Variants in SLC13A4 observed in about 807,000 individuals in gnomAD.
SLC13A4 encodes Na(+)/sulfate cotransporter SUT-1.
A neutral mutation model predicts 72.7 loss-of-function variants in SLC13A4; 28 were observed. The ratio of observed to expected loss-of-function variants is 0.39; its 90% CI spans 0.29 to 0.53. The LOEUF (loss-of-function observed/expected upper bound fraction) is 0.53, where lower values mean the gene tolerates loss of function less well. Among genes scored for constraint, SLC13A4 ranks in the 20% least tolerant of loss-of-function variants. The probability of loss-of-function intolerance (pLI) is 0.78; values close to 1 mark genes in which losing one functional copy is unlikely to be tolerated. For missense variants in SLC13A4, 653 were observed against 788.0 expected (o/e 0.83, Z 2.05); for synonymous variants, 312 against 325.5 (o/e 0.96, Z 0.45).
intron 2 of SLC13A4, among the ~76,000 whole-genome samples, chr7:135,715,176 T>G (rs987377221): frequency 6.6e-6 from 1 of 151,450 alleles, no homozygotes; most frequent in African/African-American, 2.4e-5. Flanking sequence ...TATATGTGTA[T>G]ATGGGTATAT....
chr7:135,687,006 G>A (rs961028084), intron 13 of SLC13A4, among the ~76,000 whole-genome samples: 5 of 152,154 alleles, frequency 3.3e-5, no homozygotes, highest in Non-Finnish European at 5.9e-5. Context: ...GCAGTGAACC[G>A]AGATTGTGCC....
chr7:135,720,049 G>C (rs1395127951), intron 2 of SLC13A4, among the ~76,000 whole-genome samples: 2 of 152,056 alleles, frequency 1.3e-5, no homozygotes, highest in Non-Finnish European at 2.9e-5. Context: ...CCAGTAGAAA[G>C]ACAAAGTGTT....
intron 11 of SLC13A4, chr7:135,692,054 C>T: frequency 2.1e-6 from 1 of 484,834 alleles, no homozygotes; most frequent in South Asian, 2.5e-5. Context: ...GATGTTTCCT[C>T]CTTTAACTTT....
At chr7:135,723,757 C>A (rs551175245) in intron 1 of SLC13A4, among the ~76,000 whole-genome samples, 10 of 152,140 alleles carry the variant, frequency 6.6e-5, no homozygotes, top group African/African-American at 2.4e-4. Context: ...TTGTGCCCTC[C>A]TGACATTCGT....
chr7:135,720,301 C>T (rs146167107), intron 2 of SLC13A4, among the ~76,000 whole-genome samples: 7 of 152,084 alleles, frequency 4.6e-5, no homozygotes, highest in South Asian at 2.1e-4. Flanking sequence ...CTAATAGTTA[C>T]GGGTTTGAAT....
chr7:135,703,239 A>C, intron 5 of SLC13A4: 2 of 246,176 alleles, frequency 8.1e-6, no homozygotes, highest in Non-Finnish European at 1.6e-5. Flanking sequence ...TGGCATTCAT[A>C]CCTCCATTTA....
chr7:135,727,372 CCCG>C (rs751063193), intron 1 of SLC13A4, 23 bp downstream of exon 1: 3 of 1,546,200 alleles, frequency 1.9e-6, no homozygotes, highest in Non-Finnish European at 2.6e-6. Context: ...CTCCCAGACC[CCCG>C]GTGGGCGCAG....
intron 2 of SLC13A4, among the ~76,000 whole-genome samples, chr7:135,719,674 C>T (rs1796499624): frequency 6.6e-6 from 1 of 151,968 alleles, no homozygotes; most frequent in South Asian, 2.1e-4. Flanking sequence ...TACATGGGTC[C>T]CCACGATATT....
intron 5 of SLC13A4, chr7:135,703,145 G>A (rs952598221): frequency 1.9e-6 from 1 of 520,566 alleles, no homozygotes; most frequent in Non-Finnish European, 3.4e-6. Context: ...AACAGCAGAT[G>A]TGGAGTGGAT....
chr7:135,691,909 A>T, intron 11 of SLC13A4: 1 of 447,544 alleles, frequency 2.2e-6, no homozygotes, highest in South Asian at 3.1e-5. Context: ...TCCTAGATGG[A>T]GTGATCAGGA....
intron 3 of SLC13A4, chr7:135,707,816 T>A (rs1796201537): frequency 3.9e-6 from 1 of 259,450 alleles, no homozygotes; most frequent in Admixed American, 5.2e-5. Flanking sequence ...GGAAACAATT[T>A]CTCTTGGTCC....
At chr7:135,716,342 T>A (rs1415024457) in intron 2 of SLC13A4, among the ~76,000 whole-genome samples, 6 of 152,318 alleles carry the variant, frequency 3.9e-5, no homozygotes, top group African/African-American at 1.4e-4. Context: ...CCTAGCTCTG[T>A]CATCCAGGCT....
chr7:135,697,164 G>A (rs1410512280), intron 8 of SLC13A4, among the ~76,000 whole-genome samples: 1 of 152,254 alleles, frequency 6.6e-6, no homozygotes, highest in Non-Finnish European at 1.5e-5. Flanking sequence ...GCCTGTCTGG[G>A]CATGGTGGCC....
At chr7:135,688,096 C>T (rs1795679549) in intron 13 of SLC13A4, among the ~76,000 whole-genome samples, 1 of 151,902 alleles carries the variant, frequency 6.6e-6, no homozygotes, top group Admixed American at 6.5e-5. Context: ...TGGCCTCAGC[C>T]TCCCAAGTAG....
intron 6 of SLC13A4, 51 bp from the exon 7 acceptor site, chr7:135,701,811 G>C (rs773398862): frequency 8.9e-6 from 14 of 1,581,624 alleles, no homozygotes; most frequent in Non-Finnish European, 1.1e-5. Flanking sequence ...TGGTGAGCCA[G>C]GTGCCTCGAG....
chr7:135,682,725 G>GTAGTGCCCAAGCTGGGAA (rs1168562806), intron 15 of SLC13A4, among the ~76,000 whole-genome samples: 14 of 152,314 alleles, frequency 9.2e-5, no homozygotes, highest in African/African-American at 3.4e-4. Context: ...TGAAGTCAAG[G>GTAGTGCCCAAGCTGGGAA]TAGTGCCCAA....
chr7:135,723,312 G>A (rs546342171), intron 1 of SLC13A4, among the ~76,000 whole-genome samples: 21 of 152,120 alleles, frequency 1.4e-4, no homozygotes, highest in Non-Finnish European at 2.6e-4. Flanking sequence ...CAACCTAGGG[G>A]TGCACAGGGT....
chr7:135,706,785 A>C (rs1416725464), intron 3 of SLC13A4, among the ~76,000 whole-genome samples: 1 of 152,246 alleles, frequency 6.6e-6, no homozygotes, highest in African/African-American at 2.4e-5. Flanking sequence ...TGGAGCTCAC[A>C]GTTCCACCCA....
chr7:135,717,026 C>T (rs1796447326), intron 2 of SLC13A4, among the ~76,000 whole-genome samples: 1 of 152,206 alleles, frequency 6.6e-6, no homozygotes, highest in South Asian at 2.1e-4. Flanking sequence ...CTCTTCCTGT[C>T]CGCATGTCTC....
Sources: allele counts gnomAD v4.1 joint callset (sites outside exome capture counted in the v4.1 genomes callset), GRCh38; gene constraint gnomAD v4.1.1; transcripts MANE v1.5; gene names NCBI Gene and HGNC (gene_info 2026-07-23, HGNC 2026-07-21).